BEND7: variants seen among roughly 807,000 people sequenced by gnomAD.
BEND7 encodes BEN domain containing 7.
BEND7 carries 28 observed loss-of-function variants against 50.9 expected under a neutral mutation model. The observed-to-expected ratio is 0.55, with a 90% CI of 0.41 to 0.75. The LOEUF (loss-of-function observed/expected upper bound fraction) is 0.75, where lower values mean the gene tolerates loss of function less well. Among genes scored for constraint, BEND7 ranks in the 30% least tolerant of loss-of-function variants. The pLI is 0.00. For missense variants in BEND7, 477 were observed against 491.3 expected (o/e 0.97, Z 0.28); for synonymous variants, 170 against 183.9 (o/e 0.92, Z 0.61).
At chr10:13,500,793 C>T (rs1269803116) in intron 2 of BEND7, 11 of 985,242 alleles carry the variant, frequency 1.1e-5, no homozygotes, top group South Asian at 9.4e-5. Flanking sequence ...TGGTGATGAC[C>T]GAGGGGTCCC....
At chr10:13,511,491 G>C (rs1307665373) in intron 2 of BEND7, among the ~76,000 whole-genome samples, 1 of 152,152 alleles carries the variant, frequency 6.6e-6, no homozygotes, top group African/African-American at 2.4e-5. Context: ...CTGTGGACCT[G>C]AAAACATCAC....
At chr10:13,503,605 C>G (rs1009871915) in intron 2 of BEND7, among the ~76,000 whole-genome samples, 1 of 152,118 alleles carries the variant, frequency 6.6e-6, no homozygotes, top group African/African-American at 2.4e-5. Context: ...TCCAGCTACT[C>G]GGAGGCTGAG....
Position 13,457,425 on chromosome 10 carries a change from T to C in BEND7, c.1064-4767A>G, listed in dbSNP as rs117147144. On this transcript the variant is annotated intron_variant, in intron 6 of 8. Transcript: ENST00000466271. ...TCAATGAAAACTTATTTGGTTTCAA[T>C]AGAAAGAAGCCAAGAAAATCACTGT... Among the ~76,000 whole-genome samples, 353 of 152,326 alleles carry C rather than the reference T, an allele frequency of 2.3e-3. 2 individuals carry two copies. Among genetic ancestry groups the C allele is most frequent in the Middle Eastern group, 3.4e-3 (1 of 294 alleles).
At chr10:13,506,215 C>T (rs1390658154) in intron 2 of BEND7, among the ~76,000 whole-genome samples, 1 of 152,134 alleles carries the variant, frequency 6.6e-6, no homozygotes, top group Non-Finnish European at 1.5e-5. Context: ...TTGCAGATGG[C>T]ACGCTCTGCT....
chr10:13,502,256 C>T (rs1476621468), intron 2 of BEND7, among the ~76,000 whole-genome samples: 3 of 152,020 alleles, frequency 2.0e-5, no homozygotes, highest in Admixed American at 2.0e-4. Flanking sequence ...AAGTAAATAT[C>T]TTTAGTTTTT....
intron 5 of BEND7, among the ~76,000 whole-genome samples, chr10:13,491,743 T>A (rs918686132): frequency 6.6e-6 from 1 of 152,168 alleles, no homozygotes; most frequent in Non-Finnish European, 1.5e-5. Context: ...TAAAACTTTT[T>A]TAAAAAGCAA....
chr10:13,511,521 G>A lies in BEND7; in HGVS notation c.146-11441C>T, dbSNP rs536309546. 9.9e-5 allele frequency among the ~76,000 whole-genome samples: 15 copies of A among 152,250 alleles called. No homozygotes were observed. The East Asian group carries it at 1.4e-3, about 14-fold the overall frequency. On this transcript the variant is annotated intron_variant, in intron 2 of 8. Transcript: ENST00000466271. ...CATCACAGTGAAATTGGGCAGGAAC[G>A]ACTGACTCAGCAGCAGCTAGACGGC...
At chr10:13,503,042 T>C in intron 2 of BEND7, 1 of 528,644 alleles carries the variant, frequency 1.9e-6, no homozygotes, top group Non-Finnish European at 2.4e-6. Flanking sequence ...TGAGGGCAAA[T>C]CTGCTTTGTC....
rs141472347 is a variant in BEND7, at chr10:13,451,670, T to C, written c.1183+869A>G. ...ACATGTGCACAACGTGCAGGTTTGT[T>C]ACATATATATACATGTGCCATGTTG... On this transcript the variant is annotated intron_variant, in intron 7 of 8. Transcript: ENST00000466271. Among the ~76,000 whole-genome samples, 1,299 of 152,118 alleles carry C rather than the reference T, an allele frequency of 8.5e-3. 20 individuals are homozygous for C. The highest frequency in any genetic ancestry group is 0.031 in the South Asian group (148 of 4,816).
At position 13,528,880 on chromosome 10, in the gene BEND7, G is replaced by C. The variant is rs1456781553; in HGVS notation, c.-347C>G. 2 of 143,096 alleles carry C rather than the reference G, an allele frequency of 1.4e-5. No individual in the cohort carries two copies. The highest frequency in any genetic ancestry group is 3.1e-5 in the Non-Finnish European group (2 of 64,600). 8.9% of individuals were successfully genotyped at this position (143,096 alleles called of 1,614,324 possible). A position where few individuals can be genotyped will look rare whatever the true frequency, so the allele number is the denominator to read the frequency against. ...CAACTTTCCGTTGGGAGCGGGCCGG[G>C]CCGGGGCGCGGCGGCGGCGGCGGAG... On this transcript the variant is annotated 5_prime_UTR_variant, in exon 1 of 9. Transcript: ENST00000466271.
chr10:13,484,115 G>A (rs1564332958), intron 5 of BEND7, among the ~76,000 whole-genome samples: 1 of 152,188 alleles, frequency 6.6e-6, no homozygotes, highest in African/African-American at 2.4e-5. Context: ...AAAGGAGGAA[G>A]TAGTCTGATT....
chr10:13,529,023 AGCCGGCCGGGGC>A (rs919335825), upstream of BEND7: 2 of 143,266 alleles, frequency 1.4e-5, no homozygotes, highest in African/African-American at 5.1e-5. Flanking sequence ...GCGGGTGCAG[AGCCGGCCGGGGC>A]GCTGACCGCC....
chr10:13,514,281 G>A (rs529471460), intron 2 of BEND7, among the ~76,000 whole-genome samples: 18 of 152,246 alleles, frequency 1.2e-4, no homozygotes, highest in African/African-American at 4.3e-4. Flanking sequence ...CAGATATGAC[G>A]AGAAGATACG....
At chr10:13,439,799 A>T (rs1835108075), downstream of BEND7, among the ~76,000 whole-genome samples, 1 of 152,080 alleles carries the variant, frequency 6.6e-6, no homozygotes, top group Non-Finnish European at 1.5e-5. Flanking sequence ...TCGACCTAAG[A>T]TAGGACTCCG....
chr10:13,513,929 C>T (rs866229976), intron 2 of BEND7, among the ~76,000 whole-genome samples: 3 of 152,098 alleles, frequency 2.0e-5, no homozygotes, highest in Non-Finnish European at 4.4e-5. Flanking sequence ...TAAAAGTGCC[C>T]GGGACTCTAT....
At chr10:13,464,885 G>T (rs756359638) in intron 6 of BEND7, among the ~76,000 whole-genome samples, 13 of 152,164 alleles carry the variant, frequency 8.5e-5, no homozygotes, top group Middle Eastern at 3.2e-3. Flanking sequence ...TCTTTAAAAG[G>T]GAGCTGGGAG....
At chr10:13,491,841 T>C (rs1395631711) in intron 5 of BEND7, among the ~76,000 whole-genome samples, 2 of 152,202 alleles carry the variant, frequency 1.3e-5, no homozygotes, top group African/African-American at 4.8e-5. Context: ...TCTCGTCCTA[T>C]GCAATCTGAT....
intron 5 of BEND7, among the ~76,000 whole-genome samples, chr10:13,485,579 A>C (rs2131836300): frequency 6.6e-6 from 1 of 152,344 alleles, no homozygotes; most frequent in East Asian, 1.9e-4. Flanking sequence ...GGGGCTGAAA[A>C]GCCTATAACA....
intron 2 of BEND7, among the ~76,000 whole-genome samples, chr10:13,524,012 C>G (rs1223180057): frequency 6.6e-6 from 1 of 152,180 alleles, no homozygotes; most frequent in Non-Finnish European, 1.5e-5. Flanking sequence ...CAAGCCTGGT[C>G]CTTCATTGGA....
Sources: allele counts gnomAD v4.1 joint callset (sites outside exome capture counted in the v4.1 genomes callset), GRCh38; gene constraint gnomAD v4.1.1; transcripts MANE v1.5; gene names NCBI Gene and HGNC (gene_info 2026-07-23, HGNC 2026-07-21).